Variants in SND1 observed in about 807,000 individuals in gnomAD.
SND1 encodes the protein staphylococcal nuclease domain-containing protein 1.
A neutral mutation model predicts 121.7 loss-of-function variants in SND1; 38 were observed. That is an observed-to-expected ratio of 0.31 (90% CI 0.24 to 0.41). SND1 has a LOEUF of 0.41. Among genes scored for constraint, SND1 ranks in the 10% least tolerant of loss-of-function variants. SND1 has a pLI of 1.00. For missense variants in SND1, 868 were observed against 1,184.6 expected (o/e 0.73, Z 3.92); for synonymous variants, 401 against 447.4 (o/e 0.90, Z 1.31).
chr7:127,943,435 G>A (rs768093217), intron 15 of SND1, among the ~76,000 whole-genome samples: 9 of 152,210 alleles, frequency 5.9e-5, no homozygotes, highest in Non-Finnish European at 1.0e-4. Flanking sequence ...ACCTATCTCT[G>A]TATTTATCCT....
chr7:127,888,232 A>C (rs1799947231), intron 13 of SND1, among the ~76,000 whole-genome samples: 1 of 152,096 alleles, frequency 6.6e-6, no homozygotes, highest in African/African-American at 2.4e-5. Context: ...AAATATGTAA[A>C]ATAGGTATAT....
At chr7:127,744,954 G>A (rs1264835506) in intron 10 of SND1, among the ~76,000 whole-genome samples, 1 of 152,250 alleles carries the variant, frequency 6.6e-6, no homozygotes, top group African/African-American at 2.4e-5. Flanking sequence ...TAATGCCTGA[G>A]CAAGGTTTCC....
At chr7:127,683,803 A>G (rs904632425) in intron 1 of SND1, among the ~76,000 whole-genome samples, 2 of 152,202 alleles carry the variant, frequency 1.3e-5, no homozygotes, top group Admixed American at 6.5e-5. Flanking sequence ...CATATATTCA[A>G]TGGTATAAAA....
chr7:128,074,762 G>A, intron 17 of SND1, 72 bp downstream of exon 17: 2 of 1,408,906 alleles, frequency 1.4e-6, no homozygotes, highest in East Asian at 2.5e-5. Context: ...GCTGCCTCCA[G>A]AGAACAGGAG....
chr7:127,937,067 A>G (rs1352058007), intron 15 of SND1, among the ~76,000 whole-genome samples: 1 of 152,210 alleles, frequency 6.6e-6, no homozygotes, highest in African/African-American at 2.4e-5. Context: ...GAAGAGAATA[A>G]TAATTTGAGA....
intron 1 of SND1, among the ~76,000 whole-genome samples, chr7:127,682,719 G>A (rs995809998): frequency 6.6e-6 from 1 of 152,174 alleles, no homozygotes; most frequent in African/African-American, 2.4e-5. Flanking sequence ...ATACTTACAT[G>A]TGATGTTTAT....
intron 15 of SND1, among the ~76,000 whole-genome samples, chr7:127,977,381 A>T (rs1249597684): frequency 6.6e-6 from 1 of 152,246 alleles, no homozygotes; most frequent in Non-Finnish European, 1.5e-5. Context: ...AAGTCTCTTC[A>T]AATATTTGAA....
At chr7:127,837,937 A>G (rs1035601263) in intron 11 of SND1, among the ~76,000 whole-genome samples, 2 of 152,204 alleles carry the variant, frequency 1.3e-5, no homozygotes, top group Non-Finnish European at 2.9e-5. Flanking sequence ...GGATGGAGTA[A>G]TGGTGAGAGC....
rs57998727 is a variant in SND1 at position 127,865,915 on chromosome 7, C to CTT, written c.1343+21504_1343+21505dup. 5.0e-3 allele frequency among the ~76,000 whole-genome samples: 723 copies of CTT among 143,564 alleles called. 9 individuals carry two copies. Among genetic ancestry groups the CTT allele is most frequent in the African/African-American group, 0.017 (679 of 39,524 alleles). 94.2% of individuals were successfully genotyped at this position (143,564 alleles called of 152,430 possible). Reference sequence around the variant, plus strand: ...GATGATTATCAACTTTTTATTTCTCCTTTTTTTTTTTTTTACCACATACCT... The same window carrying CTT: ...GATGATTATCAACTTTTTATTTCTCCTTTTTTTTTTTTTTTTACCACATACCT... On this transcript the variant is annotated intron_variant, in intron 12 of 23. Transcript: ENST00000354725.
Position 128,055,011 on chromosome 7 carries a change from G to C in SND1, c.1780-19491G>C, listed in dbSNP as rs1043285393. Among the ~76,000 whole-genome samples, 3 of 152,190 alleles carry C rather than the reference G, an allele frequency of 2.0e-5. No individual in the cohort carries two copies. The South Asian group carries it at 6.2e-4, about 31-fold the overall frequency. On this transcript the variant is annotated intron_variant, in intron 16 of 23. Transcript: ENST00000354725. ...ATTCTAATAGGATGGATATCTGCCC[G>C]ATCTATTGGCCTGCAGGATGGTTAT...
At chr7:127,896,451 C>T (rs1369839626) in intron 13 of SND1, among the ~76,000 whole-genome samples, 1 of 152,124 alleles carries the variant, frequency 6.6e-6, no homozygotes, top group Non-Finnish European at 1.5e-5. Flanking sequence ...ATCACTATCG[C>T]TCGGAAACTT....
chr7:127,881,224 C>A (rs1053423243), intron 12 of SND1, among the ~76,000 whole-genome samples: 1 of 152,118 alleles, frequency 6.6e-6, no homozygotes, highest in African/African-American at 2.4e-5. Context: ...ACCACATTCC[C>A]CATCTCACCC....
rs1792736196 is a variant in SND1, at chr7:128,035,616, A to T, written c.1780-38886A>T. On this transcript the variant is annotated intron_variant, in intron 16 of 23. Transcript: ENST00000354725. ...TTTGACCTCAGTTCCTCTAAGTAAC[A>T]ATGTATGGCTAATTGGCATTTAAAC... Among the ~76,000 whole-genome samples the T allele has an allele frequency of 2.6e-5, 4 of 152,368 alleles. No individual in the cohort carries two copies. In the South Asian group the frequency reaches 8.3e-4, roughly 32 times the overall value.
chr7:127,738,817 G>A (rs1163974705), intron 10 of SND1, among the ~76,000 whole-genome samples: 1 of 152,114 alleles, frequency 6.6e-6, no homozygotes, highest in African/African-American at 2.4e-5. Context: ...TTGCTTTAGG[G>A]GGTCACCCTG....
At chr7:127,759,248 C>T (rs1797256552) in intron 10 of SND1, among the ~76,000 whole-genome samples, 1 of 152,080 alleles carries the variant, frequency 6.6e-6, no homozygotes, top group South Asian at 2.1e-4. Context: ...AGAATGTTCT[C>T]TAATCAAATA....
intron 16 of SND1, among the ~76,000 whole-genome samples, chr7:128,074,296 G>A (rs1344185867): frequency 2.0e-5 from 3 of 152,236 alleles, no homozygotes; most frequent in Non-Finnish European, 4.4e-5. Flanking sequence ...AGGAGGGGAA[G>A]GGGCTCTGAG....
intron 12 of SND1, among the ~76,000 whole-genome samples, chr7:127,848,244 T>C (rs1041825585): frequency 6.6e-6 from 1 of 152,240 alleles, no homozygotes; most frequent in African/African-American, 2.4e-5. Flanking sequence ...GCTTAACACA[T>C]GCGAATGTTT....
chr7:128,076,637 T>G (rs1003791173), intron 17 of SND1, among the ~76,000 whole-genome samples: 2 of 152,196 alleles, frequency 1.3e-5, no homozygotes, highest in Non-Finnish European at 2.9e-5. Flanking sequence ...CTTGTCCCAC[T>G]TGATCCCACA....
chr7:127,818,001 G>A (rs938958438), intron 11 of SND1, among the ~76,000 whole-genome samples: 9 of 151,960 alleles, frequency 5.9e-5, no homozygotes, highest in Non-Finnish European at 1.3e-4. Flanking sequence ...TTTGTCCTCT[G>A]CTTTGTCATA....
Sources: gnomAD v4.1 joint callset for allele counts (sites outside exome capture counted in the v4.1 genomes callset) on GRCh38, gnomAD v4.1.1 for gene constraint, MANE v1.5 for transcripts, NCBI Gene and HGNC (gene_info 2026-07-23, HGNC 2026-07-21) for gene names.